The following DAB1 variants were observed in gnomAD, a reference collection of about 807,000 sequenced individuals.
DAB1 encodes DAB adaptor protein 1.
In DAB1, 15 loss-of-function variants were observed where a neutral mutation model predicts 64.6. The observed-to-expected ratio is 0.23, with a 90% CI of 0.16 to 0.36. DAB1 has a LOEUF of 0.36. Among genes scored for constraint, DAB1 ranks in the 10% least tolerant of loss-of-function variants. The pLI is 1.00. For missense variants in DAB1, 596 were observed against 706.7 expected (o/e 0.84, Z 1.78); for synonymous variants, 235 against 251.9 (o/e 0.93, Z 0.64).
At chr1:57,116,510 T>A (rs931250955) in intron 4 of DAB1, among the ~76,000 whole-genome samples, 6 of 145,778 alleles carry the variant, frequency 4.1e-5, no homozygotes, top group Non-Finnish European at 7.5e-5. Flanking sequence ...GGAGAAGCTA[T>A]CCCAGTGTTT....
intron 2 of DAB1, among the ~76,000 whole-genome samples, chr1:58,509,878 A>C (rs1383674817): frequency 6.6e-6 from 1 of 152,108 alleles, no homozygotes; most frequent in Admixed American, 6.5e-5. Flanking sequence ...ATATGCCCAC[A>C]AACTGGATAA....
chr1:57,152,337 A>G (rs1659767249), intron 2 of DAB1, among the ~76,000 whole-genome samples: 1 of 152,240 alleles, frequency 6.6e-6, no homozygotes, highest in Non-Finnish European at 1.5e-5. Flanking sequence ...ACTTGGTTCC[A>G]TAAACAAACT....
At chr1:58,280,270 C>A (rs1321887871) in intron 4 of DAB1, among the ~76,000 whole-genome samples, 1 of 152,202 alleles carries the variant, frequency 6.6e-6, no homozygotes, top group Non-Finnish European at 1.5e-5. Flanking sequence ...GTGTTCTCTT[C>A]CTTCCCTGAT....
intron 6 of DAB1, among the ~76,000 whole-genome samples, chr1:57,817,111 C>T (rs548565680): frequency 0.015 from 1,965 of 127,462 alleles, 41 homozygotes; most frequent in African/African-American, 0.052. Context: ...GTGGGGAAGA[C>T]TGAATGAAGA....
intron 5 of DAB1, among the ~76,000 whole-genome samples, chr1:57,968,609 C>T (rs1452172488): frequency 2.6e-5 from 4 of 152,054 alleles, no homozygotes; most frequent in Non-Finnish European, 4.4e-5. Context: ...AGTAGATCTT[C>T]GAAATGCTAC....
At chr1:57,094,792 T>C (rs1047293097) in intron 4 of DAB1, among the ~76,000 whole-genome samples, 11 of 152,138 alleles carry the variant, frequency 7.2e-5, no homozygotes, top group Admixed American at 2.0e-4. Flanking sequence ...GATCACAGGA[T>C]GCAAATTCCA....
At chr1:57,571,079 T>C (rs986953046) in intron 7 of DAB1, among the ~76,000 whole-genome samples, 2 of 152,224 alleles carry the variant, frequency 1.3e-5, no homozygotes, top group African/African-American at 4.8e-5. Flanking sequence ...GCTGAATTCA[T>C]TTATCTGTTC....
At chr1:57,807,376 C>T (rs1049156720) in intron 6 of DAB1, among the ~76,000 whole-genome samples, 3 of 152,108 alleles carry the variant, frequency 2.0e-5, no homozygotes, top group Non-Finnish European at 2.9e-5. Flanking sequence ...GTCACAGTGA[C>T]GCCCTGTGAC....
intron 1 of DAB1, chr1:58,530,797 G>T: frequency 1.3e-6 from 1 of 791,700 alleles, no homozygotes; most frequent in Non-Finnish European, 2.2e-6. Flanking sequence ...ACATTTTCTA[G>T]TTCATCATGT....
At chr1:58,166,691 T>C (rs1655851476) in intron 4 of DAB1, among the ~76,000 whole-genome samples, 1 of 151,468 alleles carries the variant, frequency 6.6e-6, no homozygotes, top group Non-Finnish European at 1.5e-5. Flanking sequence ...GTGAGTAGAG[T>C]TGCTGGGTTA....
intron 7 of DAB1, among the ~76,000 whole-genome samples, chr1:57,490,422 A>T (rs1175236913): frequency 6.6e-6 from 1 of 152,148 alleles, no homozygotes; most frequent in Admixed American, 6.5e-5. Context: ...CACAGCAATA[A>T]TTATAATTTG....
At chr1:58,484,920 G>A (rs1238819365) in intron 3 of DAB1, among the ~76,000 whole-genome samples, 1 of 152,042 alleles carries the variant, frequency 6.6e-6, no homozygotes, top group Non-Finnish European at 1.5e-5. Context: ...GAATGAGTAG[G>A]CACAGAGTGT....
chr1:58,118,501 T>TACACACACACAC (rs1192664324), intron 5 of DAB1, among the ~76,000 whole-genome samples: 2 of 63,312 alleles, frequency 3.2e-5, no homozygotes, highest in African/African-American at 1.4e-4. Context: ...TATATATATA[T>TACACACACACAC]ATACACACAC....
chr1:57,712,553 T>C lies in DAB1; in HGVS notation n.552-62888A>G, dbSNP rs116548858. On this transcript the variant is annotated intron_variant and non_coding_transcript_variant, in intron 6 of 20. Transcript: ENST00000485760. ...ATGTTTTAAATGAATTAGAATAGGA[T>C]TCAAGGTTATCTTAAAATGTCAGTC... 5.9e-3 allele frequency among the ~76,000 whole-genome samples: 906 copies of C among 152,304 alleles called. 11 individuals are homozygous for C. The highest frequency in any genetic ancestry group is 0.021 in the African/African-American group (866 of 41,552).
At chr1:57,797,086 C>T (rs1650909122) in intron 6 of DAB1, among the ~76,000 whole-genome samples, 1 of 152,158 alleles carries the variant, frequency 6.6e-6, no homozygotes, top group Non-Finnish European at 1.5e-5. Flanking sequence ...AAACACGGTG[C>T]CATCAATATA....
intron 7 of DAB1, chr1:57,606,124 C>T: frequency 2.4e-6 from 1 of 414,816 alleles, no homozygotes. Context: ...GGATTTTACA[C>T]TGCAGCTCCT....
intron 2 of DAB1, among the ~76,000 whole-genome samples, chr1:57,219,669 G>C (rs556875569): frequency 5.9e-5 from 9 of 152,278 alleles, no homozygotes; most frequent in Admixed American, 1.3e-4. Flanking sequence ...GAAGGTGTGT[G>C]AGGGGACCCT....
intron 8 of DAB1, among the ~76,000 whole-genome samples, 194 bp downstream of exon 8, chr1:57,069,166 T>G (rs112171212): frequency 2.0e-5 from 3 of 152,220 alleles, no homozygotes; most frequent in African/African-American, 7.2e-5. Context: ...ACACTGTACC[T>G]AACTAGCTAT....
At chr1:57,869,649 C>A (rs183747480) in intron 1 of DAB1, among the ~76,000 whole-genome samples, 57 of 152,264 alleles carry the variant, frequency 3.7e-4, no homozygotes, top group Non-Finnish European at 7.2e-4. Context: ...CCACAGACCA[C>A]ACTCCTTAGA....
Sources: gnomAD v4.1 joint callset for allele counts (sites outside exome capture counted in the v4.1 genomes callset) on GRCh38, gnomAD v4.1.1 for gene constraint, MANE v1.5 for transcripts, NCBI Gene and HGNC (gene_info 2026-07-23, HGNC 2026-07-21) for gene names.